The following CCDC157 variants were observed in gnomAD, a reference collection of about 807,000 sequenced individuals.
CCDC157 encodes coiled-coil domain-containing protein 157.
CCDC157 carries 60 observed loss-of-function variants against 70.9 expected under a neutral mutation model. The ratio of observed to expected loss-of-function variants is 0.85; its 90% CI spans 0.69 to 1.05. CCDC157 has a LOEUF of 1.05. Ranked by LOEUF, CCDC157 falls within the 50% of genes least tolerant of loss-of-function variation. CCDC157 has a pLI of 0.00. For synonymous variants in CCDC157, 373 were observed against 422.4 expected (o/e 0.88, Z 1.43); for missense variants, 943 against 984.2 (o/e 0.96, Z 0.56).
At chr22:30,356,983 G>GCGGGCACCGCGGCGT (rs767262336), upstream of CCDC157, 32 of 460,416 alleles carry the variant, frequency 7.0e-5, no homozygotes, top group Middle Eastern at 1.7e-3. Flanking sequence ...GCCCCTCCCC[G>GCGGGCACCGCGGCGT]CGGGCACCGC....
intron 5 of CCDC157, chr22:30,371,365 TG>T (rs1932931681): frequency 1.9e-6 from 1 of 522,316 alleles, no homozygotes; most frequent in African/African-American, 1.9e-5. Flanking sequence ...CAGTGCCCAC[TG>T]ATGGGAGGCC....
At position 30,375,886 on chromosome 22, in the gene CCDC157, T is replaced by C. The variant is rs1438314527; in HGVS notation, c.1857+223T>C. ...CCTCTATAGCTGTCATTCCTTTAAG[T>C]GCAGCAAGAAGCCTCGTCAGGCCGG... is the stretch of plus-strand genomic sequence containing the variant. On this transcript the variant is annotated intron_variant, in intron 10 of 11. Transcript: ENST00000338306. 5 of 572,158 alleles carry C rather than the reference T, an allele frequency of 8.7e-6. No individual in the cohort carries two copies. In the East Asian group the frequency reaches 1.5e-4, roughly 17 times the overall value. 35.4% of individuals were successfully genotyped at this position (572,158 alleles called of 1,614,324 possible).
In CCDC157 at chr22:30,371,707, G is replaced by C. The variant is rs763198034; in HGVS notation, c.1103G>C (p.Arg368Pro). The C allele has an allele frequency of 7.4e-6, 12 of 1,613,932 alleles. No individual in the cohort carries two copies. Among genetic ancestry groups the C allele is most frequent in the Non-Finnish European group, 1.0e-5 (12 of 1,179,924 alleles). The change falls in exon 6 of 12, where the codon CGG (arginine) becomes CCG (proline). Residue 368 changes from arginine to proline, a missense_variant. Transcript: ENST00000338306. Reference sequence around the variant, plus strand: ...CTGGAGAGAGAACTGAAACAGCAGCGGGAGTCCACACAGGCTGTGGGTAAG... The same window carrying C: ...CTGGAGAGAGAACTGAAACAGCAGCCGGAGTCCACACAGGCTGTGGGTAAG... ...ATLERELKQQ[R>P]ESTQAVEAKA...
In CCDC157 at chr22:30,370,915, CTGAG is replaced by C. The variant is rs1224523734; in HGVS notation, c.1013_1016del (p.Glu338GlyfsTer15). On this transcript the variant is annotated frameshift_variant, in exon 5 of 12. Coordinates refer to ENST00000338306, the MANE Select transcript of CCDC157 (RefSeq NM_001017437.5). LOFTEE classifies it high-confidence loss of function. Reference sequence around the variant, plus strand: ...GCGGAGGAGGATGAGCAGTGCCTGTCTGAGTGGGAGCACGACAAACAGCAGCTGC... The same window carrying C: ...GCGGAGGAGGATGAGCAGTGCCTGTCTGGGAGCACGACAAACAGCAGCTGC... The C allele has an allele frequency of 5.0e-6, 8 of 1,610,400 alleles. No homozygotes were observed. Among genetic ancestry groups the C allele is most frequent in the Non-Finnish European group, 6.8e-6 (8 of 1,179,714 alleles).
intron 10 of CCDC157, 46 bp downstream of exon 10, chr22:30,375,709 A>G (rs1346758674): frequency 1.3e-6 from 2 of 1,530,868 alleles, no homozygotes; most frequent in East Asian, 2.3e-5. Context: ...GGAAGCCCCT[A>G]TCCAGCAGCA....
rs1933433528 is a variant in CCDC157, at chr22:30,377,614, C to A, written c.*869C>A. On this transcript the variant is annotated 3_prime_UTR_variant, in exon 12 of 12. Coordinates refer to ENST00000338306, the MANE Select transcript of CCDC157 (RefSeq NM_001017437.5). The stretch of plus-strand genomic sequence containing the variant: ...GGTGAAGAGGCCGTCAGGTAGAGCA[C>A]CTCAGTTCACAGAGAAGGGTCAAGA... The A allele has an allele frequency of 6.5e-6, 1 of 154,624 alleles. No homozygotes were observed. The highest frequency in any genetic ancestry group is 1.4e-5 in the Non-Finnish European group (1 of 69,468). 9.6% of individuals were successfully genotyped at this position (154,624 alleles called of 1,614,324 possible). A position where few individuals can be genotyped will look rare whatever the true frequency, so the allele number is the denominator to read the frequency against.
At chr22:30,371,770 A>C in intron 6 of CCDC157, 43 bp downstream of exon 6, 1 of 1,509,302 alleles carries the variant, frequency 6.6e-7, no homozygotes, top group Non-Finnish European at 9.2e-7. Context: ...ATCTCAAGCC[A>C]GGGGTGTGGC....
Position 30,378,614 on chromosome 22 carries a change from G to A in CCDC157, c.*1869G>A, listed in dbSNP as rs1323434300. 1.3e-5 allele frequency: 2 copies of A among 152,242 alleles called. No individual in the cohort carries two copies. The highest frequency in any genetic ancestry group is 4.8e-5 in the African/African-American group (2 of 41,404). The allele number at this position is 152,242 out of a possible 1,614,324, so 9.4% of individuals were successfully genotyped here. On this transcript the variant is annotated 3_prime_UTR_variant, in exon 12 of 12. Transcript: ENST00000338306. ...TTGCACTCCAGCCTGGGCAACAAGAGTGAAACTCCATCTCAAGAAATAAAA... is the reference window on the plus strand; with the variant it reads ...TTGCACTCCAGCCTGGGCAACAAGAATGAAACTCCATCTCAAGAAATAAAA...
chr22:30,377,809 A>C lies in CCDC157; in HGVS notation c.*1064A>C. 7.4e-6 allele frequency: 2 copies of C among 271,306 alleles called. No individual in the cohort carries two copies. Among genetic ancestry groups the C allele is most frequent in the South Asian group, 3.5e-5 (1 of 28,268 alleles). 16.8% of individuals were successfully genotyped at this position (271,306 alleles called of 1,614,324 possible). On this transcript the variant is annotated 3_prime_UTR_variant, in exon 12 of 12. Coordinates refer to ENST00000338306, the MANE Select transcript of CCDC157 (RefSeq NM_001017437.5). ...AAGGCCTGTGCTCAAGTCCAGGGGAAGGACCTCACAGCTGAGTAGCTCTCT... is the reference window on the plus strand; with the variant it reads ...AAGGCCTGTGCTCAAGTCCAGGGGACGGACCTCACAGCTGAGTAGCTCTCT...
At chr22:30,374,954 CTTTTTTTTT>C (rs10611353) in intron 9 of CCDC157, 239 of 240,182 alleles carry the variant, frequency 1.0e-3, no homozygotes, top group Middle Eastern at 4.2e-3. Flanking sequence ...TTTGCTAAGT[CTTTTTTTTT>C]TTTTTTTTTT....
chr22:30,376,132 A>C, intron 10 of CCDC157, 127 bp from the exon 11 acceptor site: 2 of 772,452 alleles, frequency 2.6e-6, no homozygotes, highest in Non-Finnish European at 4.2e-6. Context: ...CCCTGCCCCT[A>C]GGTGAAAGGG....
Position 30,370,633 on chromosome 22 carries a change from A to G in CCDC157, c.728A>G (p.Gln243Arg), listed in dbSNP as rs1488627541. The G allele has an allele frequency of 3.1e-6, 5 of 1,613,976 alleles. No individual in the cohort carries two copies. The Admixed American group carries it at 8.3e-5, about 27-fold the overall frequency. The change falls in exon 5 of 12, where the codon CAG becomes CGG. Residue 243 changes from glutamine (Q) to arginine (R), a missense_variant. Physicochemically the swap from Gln to Arg is conservative, Grantham distance 43. Coordinates refer to ENST00000338306, the MANE Select transcript of CCDC157 (RefSeq NM_001017437.5). ...GGCAAGGTGGTCATCAGCCTGTGTC[A>G]GAGCCAGAACCTGCCCTCGTCCTTA... ...KVGKVVISLC[Q>R]SQNLPSSLGQ...
intron 3 of CCDC157, 142 bp downstream of exon 3, chr22:30,366,390 C>A: frequency 1.0e-6 from 1 of 975,198 alleles, no homozygotes; most frequent in African/African-American, 1.6e-5. Flanking sequence ...GCCACATCAG[C>A]TCAGGACTTT....
At chr22:30,362,760 G>A (rs576813765) in intron 2 of CCDC157, among the ~76,000 whole-genome samples, 4 of 152,296 alleles carry the variant, frequency 2.6e-5, no homozygotes, top group Non-Finnish European at 5.9e-5. Flanking sequence ...CTCGATGTAG[G>A]ATTGGCAGCA....
chr22:30,362,269 C>T (rs1318406677), intron 2 of CCDC157, among the ~76,000 whole-genome samples, 155 bp downstream of exon 2: 1 of 152,230 alleles, frequency 6.6e-6, no homozygotes, highest in African/African-American at 2.4e-5. Flanking sequence ...GACAGGCTGC[C>T]AACCACAAAT....
At chr22:30,372,711 C>T in intron 7 of CCDC157, 1 of 173,352 alleles carries the variant, frequency 5.8e-6, no homozygotes, top group Non-Finnish European at 1.2e-5. Flanking sequence ...TGAGCCAGGG[C>T]CCGGGGCATA....
In CCDC157 at chr22:30,378,183, C is replaced by T; in HGVS notation, c.*1438C>T. 2.1e-6 allele frequency: 1 copy of T among 470,742 alleles called. No homozygotes were observed. The highest frequency in any genetic ancestry group is 4.4e-6 in the Non-Finnish European group (1 of 226,834). The allele number at this position is 470,742 out of a possible 1,614,324, so 29.2% of individuals were successfully genotyped here. On this transcript the variant is annotated 3_prime_UTR_variant, in exon 12 of 12. Transcript: ENST00000338306. ...AGAGGATTTCTCATGTGCTGAATCCCCCACATGCTTCAAATCCCTGACTTC... is the reference window on the plus strand; with the variant it reads ...AGAGGATTTCTCATGTGCTGAATCCTCCACATGCTTCAAATCCCTGACTTC...
At position 30,373,735 on chromosome 22, in the gene CCDC157, CA is replaced by C; in HGVS notation, c.1475del (p.Gln492ArgfsTer32). 1 of 1,553,966 alleles carries C rather than the reference CA, an allele frequency of 6.4e-7. No homozygotes were observed. On this transcript the variant is annotated frameshift_variant, in exon 8 of 12. Coordinates refer to ENST00000338306, the MANE Select transcript of CCDC157 (RefSeq NM_001017437.5). LOFTEE classifies it high-confidence loss of function. ...VEEQLQSERE[Q>X]GQCQLRAQQE... is the part of the protein sequence containing the mutation. ...GGAGCAGCTGCAGAGCGAGCGGGAG[CA>C]GGGGCAATGCCAGCTCAGGGCCCAG...
At chr22:30,360,348 C>CA (rs1414327745) in intron 1 of CCDC157, among the ~76,000 whole-genome samples, 2 of 151,594 alleles carry the variant, frequency 1.3e-5, no homozygotes, top group Admixed American at 6.6e-5. Flanking sequence ...CTAAAAAATA[C>CA]AAAAAAATTA....
Sources: allele counts gnomAD v4.1 joint callset (sites outside exome capture counted in the v4.1 genomes callset), GRCh38; gene constraint gnomAD v4.1.1; transcripts MANE v1.5; gene names NCBI Gene and HGNC (gene_info 2026-07-23, HGNC 2026-07-21).